GRM8: variants seen among roughly 807,000 people sequenced by gnomAD.
The protein encoded by GRM8 is glutamate metabotropic receptor 8.
In GRM8, 47 loss-of-function variants were observed where a neutral mutation model predicts 87.2. The observed-to-expected ratio is 0.54, with a 90% confidence interval of 0.43 to 0.69. The LOEUF is 0.69. Ranked by LOEUF, GRM8 falls within the 30% of genes least tolerant of loss-of-function variation. GRM8 has a pLI of 0.00. For missense variants in GRM8, 1,019 were observed against 1,139.2 expected, an observed-to-expected ratio of 0.89 and a Z score of 1.52; for synonymous variants, 396 against 404.5, an observed-to-expected ratio of 0.98 and a Z score of 0.25.
At chr7:126,737,765 G>C (rs1206311670) in intron 7 of GRM8, among the ~76,000 whole-genome samples, 1 of 152,026 alleles carries the variant, frequency 6.6e-6, no homozygotes, top group Non-Finnish European at 1.5e-5. Context: ...TCCTGAGAAT[G>C]TAAGGTCAAG....
chr7:126,974,868 G>A (rs1440238281), intron 3 of GRM8, among the ~76,000 whole-genome samples: 1 of 150,028 alleles, frequency 6.7e-6, no homozygotes, highest in Non-Finnish European at 1.5e-5. Flanking sequence ...CTCGGGAGGC[G>A]GAGCTTGCAG....
chr7:126,723,053 G>A (rs941010238), intron 7 of GRM8, among the ~76,000 whole-genome samples: 1 of 141,592 alleles, frequency 7.1e-6, no homozygotes. Flanking sequence ...AGACAAGGCT[G>A]TGCATTTGCA....
chr7:127,193,387 G>C (rs370514376), intron 2 of GRM8, among the ~76,000 whole-genome samples: 3 of 152,278 alleles, frequency 2.0e-5, no homozygotes, highest in Admixed American at 6.5e-5. Context: ...TTCAGGCTGT[G>C]GTGAAGCTTG....
chr7:127,085,748 G>C (rs1003697171), intron 3 of GRM8, among the ~76,000 whole-genome samples: 1 of 152,060 alleles, frequency 6.6e-6, no homozygotes, highest in Non-Finnish European at 1.5e-5. Context: ...TCTCCTATTC[G>C]CAGGTTGCCT....
intron 7 of GRM8, among the ~76,000 whole-genome samples, chr7:126,614,945 A>G (rs902091731): frequency 3.9e-5 from 6 of 152,234 alleles, no homozygotes; most frequent in Non-Finnish European, 7.3e-5. Context: ...GTTGGAAAAC[A>G]CTCTGCAGGA....
intron 2 of GRM8, among the ~76,000 whole-genome samples, chr7:127,122,975 G>A (rs1037153672): frequency 6.6e-6 from 1 of 152,090 alleles, no homozygotes; most frequent in South Asian, 2.1e-4. Flanking sequence ...TGAACTTCAG[G>A]AACAGGAGAA....
At chr7:126,519,321 G>A (rs1048252686) in intron 9 of GRM8, among the ~76,000 whole-genome samples, 1 of 152,002 alleles carries the variant, frequency 6.6e-6, no homozygotes, top group Admixed American at 6.6e-5. Flanking sequence ...AAGATTTCAT[G>A]GATTAGTTGA....
At chr7:127,097,451 T>C (rs950309913) in intron 3 of GRM8, among the ~76,000 whole-genome samples, 3 of 152,140 alleles carry the variant, frequency 2.0e-5, no homozygotes, top group African/African-American at 7.2e-5. Context: ...TGGTCTTCCA[T>C]GTAGAATCTT....
At chr7:126,547,359 C>T (rs1330104675) in intron 8 of GRM8, among the ~76,000 whole-genome samples, 1 of 151,488 alleles carries the variant, frequency 6.6e-6, no homozygotes, top group Non-Finnish European at 1.5e-5. Context: ...TATTATAACT[C>T]CAGAGATTTT....
At chr7:127,126,176 A>C (rs890468019) in intron 2 of GRM8, among the ~76,000 whole-genome samples, 1 of 152,040 alleles carries the variant, frequency 6.6e-6, no homozygotes, top group Admixed American at 6.6e-5. Flanking sequence ...ACCTGTACTC[A>C]TATGTTTATC....
chr7:126,796,905 A>G (rs1197271107), intron 6 of GRM8, among the ~76,000 whole-genome samples: 1 of 152,116 alleles, frequency 6.6e-6, no homozygotes, highest in African/African-American at 2.4e-5. Flanking sequence ...TCATCATCTT[A>G]TCTCTCTTTA....
chr7:126,744,119 G>GT (rs1183413559), intron 7 of GRM8, among the ~76,000 whole-genome samples: 2 of 151,990 alleles, frequency 1.3e-5, no homozygotes, highest in African/African-American at 4.8e-5. Context: ...TAAAAAAACA[G>GT]TGAAATGTAA....
At chr7:126,757,432 A>C (rs770921154) in intron 7 of GRM8, among the ~76,000 whole-genome samples, 2 of 152,132 alleles carry the variant, frequency 1.3e-5, no homozygotes, top group African/African-American at 2.4e-5. Flanking sequence ...ACTCTTCTGT[A>C]TGTATTTTAT....
chr7:126,584,741 C>T (rs755163381), intron 8 of GRM8, among the ~76,000 whole-genome samples: 7 of 151,988 alleles, frequency 4.6e-5, no homozygotes, highest in South Asian at 4.1e-4. Context: ...TTGTCGTTTC[C>T]GCTTAGGCCT....
rs184440010 is a variant in GRM8 at position 127,031,347 on chromosome 7, T to C, written c.727+75149A>G. 3.3e-5 allele frequency among the ~76,000 whole-genome samples: 5 copies of C among 152,262 alleles called. No individual in the cohort carries two copies. In the South Asian group the frequency reaches 6.2e-4, roughly 19 times the overall value. On this transcript the variant is annotated intron_variant, in intron 3 of 10. Coordinates refer to ENST00000339582, the MANE Select transcript of GRM8 (RefSeq NM_000845.3). ...TCTGCAAATTTGACAAACATATTTC[T>C]CTATGTCCCTATTTATACTATTTTT... is the stretch of plus-strand genomic sequence containing the variant.
intron 8 of GRM8, among the ~76,000 whole-genome samples, chr7:126,535,260 G>A (rs1006450455): frequency 5.3e-5 from 8 of 152,082 alleles, no homozygotes; most frequent in Non-Finnish European, 7.3e-5. Context: ...ATGATGATAC[G>A]TCTCTTCTGA....
chr7:126,904,842 T>C (rs556982641), intron 3 of GRM8, among the ~76,000 whole-genome samples, 159 bp from the exon 4 acceptor site: 110 of 152,368 alleles, frequency 7.2e-4, no homozygotes, highest in African/African-American at 2.6e-3. Flanking sequence ...GTTTGCATTA[T>C]AATATATTCA....
intron 6 of GRM8, among the ~76,000 whole-genome samples, chr7:126,776,600 C>T (rs972088104): frequency 3.3e-5 from 5 of 152,204 alleles, no homozygotes; most frequent in African/African-American, 7.2e-5. Flanking sequence ...ATACCAATAA[C>T]GTGGTTGATC....
intron 8 of GRM8, among the ~76,000 whole-genome samples, chr7:126,593,046 C>G (rs1366745613): frequency 6.6e-6 from 1 of 151,806 alleles, no homozygotes; most frequent in Non-Finnish European, 1.5e-5. Context: ...TGTGAATAAA[C>G]TTAACGAGGA....
Sources: gnomAD v4.1 joint callset for allele counts (sites outside exome capture counted in the v4.1 genomes callset) on GRCh38, gnomAD v4.1.1 for gene constraint, MANE v1.5 for transcripts, NCBI Gene and HGNC (gene_info 2026-07-23, HGNC 2026-07-21) for gene names.